The following MRE11 variants were observed in gnomAD, a reference collection of about 807,000 sequenced individuals.
The protein encoded by MRE11 is MRE11 double strand break repair nuclease.
Under a neutral mutation model 91.7 loss-of-function variants are expected in MRE11, and 62 were observed. The ratio of observed to expected loss-of-function variants is 0.68; its 90% CI spans 0.55 to 0.84. The LOEUF is 0.84. MRE11 is among the 40% of genes least tolerant of loss of function. The pLI is 0.00. For missense variants in MRE11, 796 were observed against 852.9 expected (o/e 0.93, Z 0.83); for synonymous variants, 273 against 271.4 (o/e 1.01, Z -0.06).
intron 17 of MRE11, among the ~76,000 whole-genome samples, chr11:94,436,169 T>C (rs1384347259): frequency 6.6e-6 from 1 of 152,206 alleles, no homozygotes; most frequent in Non-Finnish European, 1.5e-5. Context: ...GGTGAATGAC[T>C]TGCATAGGCT....
the MRE11 span, among the ~76,000 whole-genome samples, chr11:94,505,663 T>C: frequency 2.0e-5 from 3 of 152,144 alleles, no homozygotes; most frequent in African/African-American, 7.2e-5. Context: ...TGCATAAATT[T>C]AGTGCAGCCT....
intron 11 of MRE11, among the ~76,000 whole-genome samples, chr11:94,461,918 A>G (rs984073415): frequency 5.3e-5 from 8 of 152,166 alleles, no homozygotes; most frequent in African/African-American, 1.2e-4. Context: ...TACTAAAAAT[A>G]CAAAAATTAG....
Position 94,447,330 on chromosome 11 carries a change from A to G in MRE11, c.1672T>C (p.Ser558Pro), listed in dbSNP as rs1945963771. ...IDLAEQMAND[S>P]DDSISAATNK... The stretch of plus-strand genomic sequence containing the variant: ...GTTGCTGCTGAGATGCTATCATCAG[A>G]GTCATTAGCCATCTGTTCTGCTAAA... The change falls in exon 15 of 20, where the codon TCT (serine) becomes CCT (proline). Residue 558 changes from serine (S) to proline (P), a missense_variant. By Grantham distance (74) the Ser-to-Pro change is moderately conservative. Coordinates refer to ENST00000323929, the MANE Select transcript of MRE11 (RefSeq NM_005591.4). The G allele has an allele frequency of 1.2e-6, 2 of 1,614,084 alleles. No individual in the cohort carries two copies. Among genetic ancestry groups the G allele is most frequent in the East Asian group, 4.5e-5 (2 of 44,872 alleles).
chr11:94,503,209 A>T, the MRE11 span, among the ~76,000 whole-genome samples: 9 of 152,150 alleles, frequency 5.9e-5, no homozygotes, highest in Non-Finnish European at 1.2e-4. Flanking sequence ...CTTTATACTC[A>T]TTGAATAACT....
At chr11:94,472,609 T>C (rs1489865151) in intron 7 of MRE11, among the ~76,000 whole-genome samples, 1 of 152,074 alleles carries the variant, frequency 6.6e-6, no homozygotes, top group Non-Finnish European at 1.5e-5. Flanking sequence ...AAATCCAAAA[T>C]ATTTTAAGTG....
At chr11:94,428,427 T>C (rs906397242) in intron 19 of MRE11, among the ~76,000 whole-genome samples, 2 of 152,236 alleles carry the variant, frequency 1.3e-5, no homozygotes, top group African/African-American at 4.8e-5. Context: ...CCTCATACTA[T>C]AATAATCCTA....
At chr11:94,467,435 T>C (rs750017637) in intron 10 of MRE11, among the ~76,000 whole-genome samples, 4 of 152,008 alleles carry the variant, frequency 2.6e-5, no homozygotes, top group Non-Finnish European at 5.9e-5. Context: ...ATCTTGATGA[T>C]AGGGCTGCAG....
intron 16 of MRE11, among the ~76,000 whole-genome samples, chr11:94,438,072 G>C (rs1945672873): frequency 1.3e-5 from 2 of 152,150 alleles, no homozygotes; most frequent in Non-Finnish European, 2.9e-5. Flanking sequence ...AGGTTGCAGT[G>C]AGCCGAGATC....
At chr11:94,422,871 G>A (rs1257779450) in intron 19 of MRE11, among the ~76,000 whole-genome samples, 2 of 152,092 alleles carry the variant, frequency 1.3e-5, no homozygotes, top group African/African-American at 2.4e-5. Context: ...GTGCCACCAT[G>A]TCCGGCTAAT....
At chr11:94,502,869 T>A in the MRE11 span, among the ~76,000 whole-genome samples, 1 of 152,106 alleles carries the variant, frequency 6.6e-6, no homozygotes, top group Non-Finnish European at 1.5e-5. Flanking sequence ...GAGACTGGGT[T>A]TCACTATGTT....
rs2135040928 is a variant in MRE11, at chr11:94,470,648, G to A, written c.846-6C>T. 1 of 1,612,720 alleles carries A rather than the reference G, an allele frequency of 6.2e-7. No individual in the cohort carries two copies. The highest frequency in any genetic ancestry group is 8.5e-7 in the Non-Finnish European group (1 of 1,179,032). On this transcript the variant is annotated splice_polypyrimidine_tract_variant and splice_region_variant and intron_variant, in intron 8 of 19. Transcript: ENST00000323929. ...TACGCAGCAAACCAACATGTCTGAAGTGGAGAGAAATGAACACCGAGTCAC... is the reference window on the plus strand; with the variant it reads ...TACGCAGCAAACCAACATGTCTGAAATGGAGAGAAATGAACACCGAGTCAC...
chr11:94,436,611 G>C (rs888630389), intron 17 of MRE11, among the ~76,000 whole-genome samples: 1 of 152,214 alleles, frequency 6.6e-6, no homozygotes, highest in Admixed American at 6.5e-5. Flanking sequence ...CTGATGTAAA[G>C]GGAAGAGTAT....
In MRE11 at chr11:94,459,433, G is replaced by T. The variant is rs61749249; in HGVS notation, c.1475C>A (p.Ala492Asp). ...QRFLKERHID[A>D]LEDKIDEEVR... ...CTCCTCATCGATTTTGTCTTCGAGG[G>T]CATCAATATGACGTTCTTTAAGAAA... The change falls in exon 13 of 20, where the codon GCC becomes GAC. Residue 492 changes from alanine to aspartate, a missense_variant. Transcript: ENST00000323929. The T allele has an allele frequency of 6.0e-3, 9,745 of 1,613,870 alleles. 47 individuals carry two copies. The highest frequency in any genetic ancestry group is 7.5e-3 in the Non-Finnish European group (8,905 of 1,179,848).
rs1945093134 is a variant in MRE11 at position 94,418,942 on chromosome 11, T to A, written c.*1183A>T. 1 of 231,050 alleles carries A rather than the reference T, an allele frequency of 4.3e-6. No individual in the cohort carries two copies. The highest frequency in any genetic ancestry group is 2.2e-5 in the African/African-American group (1 of 45,238). The allele number at this position is 231,050 out of a possible 1,614,324, so 14.3% of individuals were successfully genotyped here. ...GTATGACTATTCTAATGGTCATGAG[T>A]ATCACTGAGTCAAGTATTTGTTTCT... is the stretch of plus-strand genomic sequence containing the variant. On this transcript the variant is annotated 3_prime_UTR_variant, in exon 20 of 20. Coordinates refer to ENST00000323929, the MANE Select transcript of MRE11 (RefSeq NM_005591.4).
intron 18 of MRE11, among the ~76,000 whole-genome samples, chr11:94,432,530 C>T (rs1340064046): frequency 6.6e-6 from 1 of 152,172 alleles, no homozygotes; most frequent in East Asian, 1.9e-4. Context: ...TTATCTGGGA[C>T]GAGCACGGTG....
upstream of MRE11, among the ~76,000 whole-genome samples, chr11:94,496,348 C>T (rs1243001815): frequency 1.3e-5 from 2 of 151,960 alleles, no homozygotes; most frequent in Admixed American, 1.3e-4. Flanking sequence ...CATACCTAAA[C>T]CAGTAGATTA....
Position 94,417,395 on chromosome 11 carries a change from A to T in MRE11, c.*2730T>A. 4.3e-6 allele frequency: 1 copy of T among 232,088 alleles called. No individual in the cohort carries two copies. The highest frequency in any genetic ancestry group is 5.6e-5 in the Admixed American group (1 of 17,768). The allele number at this position is 232,088 out of a possible 1,614,324, so 14.4% of individuals were successfully genotyped here. A position where few individuals can be genotyped will look rare whatever the true frequency, so the allele number is the denominator to read the frequency against. On this transcript the variant is annotated 3_prime_UTR_variant, in exon 20 of 20. Transcript: ENST00000323929. ...CAAATTTATCAAGCTGGTAAATTCC[A>T]TAACAGGCTGAACCAAATGAAATAC...
intron 13 of MRE11, among the ~76,000 whole-genome samples, chr11:94,458,916 T>C (rs767153481): frequency 1.3e-4 from 20 of 152,196 alleles, no homozygotes; most frequent in Non-Finnish European, 2.6e-4. Context: ...ATTAAACTTT[T>C]TTCTGCCCAC....
At chr11:94,497,155 G>T, upstream of MRE11, 1 of 632,626 alleles carries the variant, frequency 1.6e-6, no homozygotes, top group Non-Finnish European at 2.7e-6. Flanking sequence ...TATCTATAAA[G>T]ATAGCAAGCA....
Sources: gnomAD v4.1 joint callset for allele counts (sites outside exome capture counted in the v4.1 genomes callset) on GRCh38, gnomAD v4.1.1 for gene constraint, MANE v1.5 for transcripts, NCBI Gene and HGNC (gene_info 2026-07-23, HGNC 2026-07-21) for gene names.